MARCHF4: variants seen among roughly 807,000 people sequenced by gnomAD.
The protein encoded by MARCHF4 is membrane associated ring-CH-type finger 4.
MARCHF4 carries 14 observed loss-of-function variants against 43.9 expected under a neutral mutation model. That is an observed-to-expected ratio of 0.32 (90% CI 0.21 to 0.50). The LOEUF is 0.50. Ranked by LOEUF, MARCHF4 falls within the 20% of genes least tolerant of loss-of-function variation. The pLI is 0.98. For missense variants in MARCHF4, 468 were observed against 536.7 expected (o/e 0.87, Z 1.27); for synonymous variants, 226 against 213.3 (o/e 1.06, Z -0.52).
At chr2:216,301,763 G>A (rs1349936641) in intron 1 of MARCHF4, among the ~76,000 whole-genome samples, 1 of 152,178 alleles carries the variant, frequency 6.6e-6, no homozygotes, top group Non-Finnish European at 1.5e-5. Context: ...TGATGCATGT[G>A]GTTTTTGGAG....
chr2:216,294,859 A>G (rs1470939982), intron 1 of MARCHF4, among the ~76,000 whole-genome samples: 1 of 152,252 alleles, frequency 6.6e-6, no homozygotes, highest in East Asian at 1.9e-4. Flanking sequence ...AGCACTTATC[A>G]GGTGCCCAAC....
intron 3 of MARCHF4, among the ~76,000 whole-genome samples, chr2:216,261,332 G>A (rs145097386): frequency 4.6e-5 from 7 of 152,144 alleles, no homozygotes; most frequent in Admixed American, 2.0e-4. Context: ...TTTCTGCCTC[G>A]TTCTTGCATC....
At chr2:216,308,722 C>G (rs941175679) in intron 1 of MARCHF4, among the ~76,000 whole-genome samples, 1 of 152,162 alleles carries the variant, frequency 6.6e-6, no homozygotes, top group Non-Finnish European at 1.5e-5. Context: ...CAGACTATGA[C>G]GTATGCGTGC....
intron 1 of MARCHF4, among the ~76,000 whole-genome samples, chr2:216,293,570 T>TAA (rs11317578): frequency 4.2e-5 from 5 of 118,088 alleles, no homozygotes; most frequent in Admixed American, 9.1e-5. Context: ...CATTTCAATG[T>TAA]AAAAAAAAAA....
At chr2:216,366,926 G>GC (rs1692675374) in intron 1 of MARCHF4, among the ~76,000 whole-genome samples, 1 of 152,162 alleles carries the variant, frequency 6.6e-6, no homozygotes, top group Non-Finnish European at 1.5e-5. Flanking sequence ...CAGGTGCCCC[G>GC]AAAAATTTGT....
rs939413678 is a variant in MARCHF4 at position 216,259,280 on chromosome 2, G to T, written c.*32C>A. The T allele has an allele frequency of 1.3e-6, 2 of 1,512,450 alleles. No homozygotes were observed. The highest frequency in any genetic ancestry group is 1.4e-5 in the African/African-American group (1 of 71,734). The allele number at this position is 1,512,450 out of a possible 1,614,324, so 93.7% of individuals were successfully genotyped here. ...CCCACCCTGCTCCGGGCCCTCAGTG[G>T]TGGTCATGGCCTTCCTTCCGGGCCT... On this transcript the variant is annotated 3_prime_UTR_variant, in exon 4 of 4. Transcript: ENST00000273067.
chr2:216,368,629 C>T (rs1692704096), intron 1 of MARCHF4, among the ~76,000 whole-genome samples: 1 of 152,226 alleles, frequency 6.6e-6, no homozygotes, highest in African/African-American at 2.4e-5. Context: ...CAAAGCCTGG[C>T]ATGGCATCCT....
chr2:216,273,320 T>A (rs1286762963), intron 3 of MARCHF4, among the ~76,000 whole-genome samples: 1 of 152,240 alleles, frequency 6.6e-6, no homozygotes, highest in East Asian at 1.9e-4. Context: ...CCTTGGTATC[T>A]GAAATATAAA....
At chr2:216,365,126 C>A (rs977822102) in intron 1 of MARCHF4, among the ~76,000 whole-genome samples, 1 of 152,186 alleles carries the variant, frequency 6.6e-6, no homozygotes, top group Non-Finnish European at 1.5e-5. Flanking sequence ...TAAGTCTCTT[C>A]TAAAATGCTC....
At chr2:216,267,635 C>T (rs896113415) in intron 3 of MARCHF4, among the ~76,000 whole-genome samples, 1 of 152,120 alleles carries the variant, frequency 6.6e-6, no homozygotes, top group African/African-American at 2.4e-5. Flanking sequence ...GGTTAGGGAC[C>T]ACACAAGAAA....
intron 1 of MARCHF4, among the ~76,000 whole-genome samples, chr2:216,328,120 T>C (rs984838911): frequency 1.3e-5 from 2 of 152,180 alleles, no homozygotes; most frequent in African/African-American, 2.4e-5. Flanking sequence ...ATCTTGAGTA[T>C]ACCTGCAAGA....
At chr2:216,289,580 T>G (rs1691275331) in intron 1 of MARCHF4, among the ~76,000 whole-genome samples, 1 of 152,242 alleles carries the variant, frequency 6.6e-6, no homozygotes, top group Non-Finnish European at 1.5e-5. Context: ...TCTTTCTGTT[T>G]ATTTTGAGCT....
At chr2:216,302,458 G>C (rs1230301007) in intron 1 of MARCHF4, among the ~76,000 whole-genome samples, 1 of 149,606 alleles carries the variant, frequency 6.7e-6, no homozygotes. Flanking sequence ...TTTATCTCCT[G>C]ACCTCGTGAT....
intron 1 of MARCHF4, among the ~76,000 whole-genome samples, chr2:216,330,931 C>T (rs1438934165): frequency 6.6e-6 from 1 of 151,384 alleles, no homozygotes; most frequent in Admixed American, 6.6e-5. Context: ...TTTAAAAGAA[C>T]GGCAAATTAA....
At chr2:216,306,039 T>A (rs1379501713) in intron 1 of MARCHF4, among the ~76,000 whole-genome samples, 3 of 152,218 alleles carry the variant, frequency 2.0e-5, no homozygotes, top group Non-Finnish European at 2.9e-5. Flanking sequence ...TCATCATCAT[T>A]ACCATAATTA....
At chr2:216,360,758 T>G (rs553762179) in intron 1 of MARCHF4, among the ~76,000 whole-genome samples, 1 of 152,206 alleles carries the variant, frequency 6.6e-6, no homozygotes, top group Non-Finnish European at 1.5e-5. Flanking sequence ...CTATGGACTT[T>G]GGGTGATAAT....
At chr2:216,359,304 C>A (rs1692544047) in intron 1 of MARCHF4, among the ~76,000 whole-genome samples, 1 of 152,168 alleles carries the variant, frequency 6.6e-6, no homozygotes, top group African/African-American at 2.4e-5. Context: ...GCCAAGCACC[C>A]CCATTTTTCT....
At chr2:216,328,178 T>C (rs1692026602) in intron 1 of MARCHF4, among the ~76,000 whole-genome samples, 2 of 152,130 alleles carry the variant, frequency 1.3e-5, no homozygotes, top group South Asian at 4.1e-4. Flanking sequence ...TGTTTTGTTT[T>C]GGTTTTTTTT....
chr2:216,272,914 A>C (rs973237488), intron 3 of MARCHF4, among the ~76,000 whole-genome samples: 1 of 152,230 alleles, frequency 6.6e-6, no homozygotes, highest in Non-Finnish European at 1.5e-5. Flanking sequence ...GGGAGCTCAG[A>C]CTTTCCTGGC....
Sources: gnomAD v4.1 joint callset for allele counts (sites outside exome capture counted in the v4.1 genomes callset) on GRCh38, gnomAD v4.1.1 for gene constraint, MANE v1.5 for transcripts, NCBI Gene and HGNC (gene_info 2026-07-23, HGNC 2026-07-21) for gene names.